The following MGAT4A variants were observed in gnomAD, a reference collection of about 807,000 sequenced individuals.
MGAT4A encodes alpha-1,3-mannosyl-glycoprotein 4-beta-N-acetylglucosaminyltransferase A.
In MGAT4A, 33 loss-of-function variants were observed where a neutral mutation model predicts 74.1. That is an observed-to-expected ratio of 0.45 (90% confidence interval 0.34 to 0.60). The LOEUF is 0.60. MGAT4A is among the 20% of genes least tolerant of loss of function. The pLI, the probability that MGAT4A is intolerant of heterozygous loss-of-function variation, is 0.02. For missense variants in MGAT4A, 479 were observed against 628.3 expected (o/e 0.76, Z 2.54); for synonymous variants, 198 against 210.4 (o/e 0.94, Z 0.51).
intron 8 of MGAT4A, among the ~76,000 whole-genome samples, chr2:98,649,812 C>G (rs1701552122): frequency 6.6e-6 from 1 of 152,076 alleles, no homozygotes; most frequent in African/African-American, 2.4e-5. Flanking sequence ...AACCAAACTG[C>G]AAAGACTGGG....
intron 5 of MGAT4A, among the ~76,000 whole-genome samples, chr2:98,662,805 C>T (rs775749341): frequency 2.8e-4 from 43 of 152,286 alleles, no homozygotes; most frequent in South Asian, 8.3e-4. Context: ...AATAGGCACA[C>T]GTTCTTAAAG....
chr2:98,691,751 T>C (rs1055127504), intron 2 of MGAT4A, among the ~76,000 whole-genome samples: 1 of 152,186 alleles, frequency 6.6e-6, no homozygotes, highest in African/African-American at 2.4e-5. Flanking sequence ...CTTCAGAAGG[T>C]ATCCTAGAAG....
At chr2:98,677,326 C>A (rs1045135130) in intron 3 of MGAT4A, among the ~76,000 whole-genome samples, 18 of 152,204 alleles carry the variant, frequency 1.2e-4, no homozygotes, top group African/African-American at 3.6e-4. Flanking sequence ...GAAGTCCACA[C>A]ATAAGTCATC....
intron 3 of MGAT4A, among the ~76,000 whole-genome samples, 177 bp downstream of exon 3, chr2:98,678,127 G>A (rs1312007417): frequency 2.0e-5 from 3 of 151,062 alleles, no homozygotes; most frequent in Non-Finnish European, 4.4e-5. Context: ...CTATTCAGGA[G>A]GCTGAGGCAG....
intron 2 of MGAT4A, among the ~76,000 whole-genome samples, chr2:98,699,466 T>C (rs1702321088): frequency 6.6e-6 from 1 of 152,170 alleles, no homozygotes. Flanking sequence ...AGATTTGCCA[T>C]GTTAACTCTT....
At chr2:98,626,770 G>A (rs952624142) in intron 14 of MGAT4A, among the ~76,000 whole-genome samples, 1 of 152,080 alleles carries the variant, frequency 6.6e-6, no homozygotes, top group Non-Finnish European at 1.5e-5. Flanking sequence ...TCACTTAACT[G>A]GGGTTCAAAG....
Position 98,623,035 on chromosome 2 carries a change from A to G in MGAT4A, c.*2531T>C. On this transcript the variant is annotated 3_prime_UTR_variant, in exon 16 of 16. Transcript: ENST00000393487. ...CCTGTCTCAAAAATAATACAAAATG[A>G]TAAAAAGAGAAAGAGGAGGGCAGGC... 1 of 985,752 alleles carries G rather than the reference A, an allele frequency of 1.0e-6. No homozygotes were observed. Among genetic ancestry groups the G allele is most frequent in the Non-Finnish European group, 1.2e-6 (1 of 830,224 alleles). The allele number at this position is 985,752 out of a possible 1,614,324, so 61.1% of individuals were successfully genotyped here.
intron 2 of MGAT4A, among the ~76,000 whole-genome samples, chr2:98,723,315 T>C (rs1473358021): frequency 5.3e-5 from 8 of 152,148 alleles, no homozygotes; most frequent in East Asian, 1.9e-4. Flanking sequence ...GCCAGCAAGA[T>C]AGCAGAAGCA....
intron 5 of MGAT4A, among the ~76,000 whole-genome samples, chr2:98,660,926 T>C (rs1440766225): frequency 1.3e-5 from 2 of 152,108 alleles, no homozygotes; most frequent in African/African-American, 2.4e-5. Flanking sequence ...TAGGATCACA[T>C]CTAACTAAAA....
At chr2:98,643,797 TA>T in intron 10 of MGAT4A, 125 bp downstream of exon 10, 1 of 937,492 alleles carries the variant, frequency 1.1e-6, no homozygotes, top group South Asian at 4.0e-5. Context: ...AGAAACTTTT[TA>T]TCAGCTCAGG....
At chr2:98,670,854 A>T (rs1270921876) in intron 4 of MGAT4A, among the ~76,000 whole-genome samples, 1 of 152,146 alleles carries the variant, frequency 6.6e-6, no homozygotes, top group Non-Finnish European at 1.5e-5. Flanking sequence ...ATTCTCAAAC[A>T]ATGACTCATA....
At chr2:98,728,105 A>G (rs921796217) in intron 1 of MGAT4A, among the ~76,000 whole-genome samples, 1 of 152,266 alleles carries the variant, frequency 6.6e-6, no homozygotes, top group Non-Finnish European at 1.5e-5. Flanking sequence ...AATTAAAAAA[A>G]TAAATTATAT....
chr2:98,645,331 G>A, intron 9 of MGAT4A, 97 bp downstream of exon 9: 1 of 886,946 alleles, frequency 1.1e-6, no homozygotes, highest in East Asian at 2.8e-5. Context: ...ATTTCCATAG[G>A]AAAAAAAGAC....
At chr2:98,678,513 C>A in intron 2 of MGAT4A, 42 bp from the exon 3 acceptor site, 7 of 1,288,328 alleles carry the variant, frequency 5.4e-6, no homozygotes, top group East Asian at 2.6e-5. Context: ...TGTCTTAAAA[C>A]AAATAAACAA....
intron 2 of MGAT4A, among the ~76,000 whole-genome samples, chr2:98,708,618 T>C (rs778652246): frequency 2.6e-5 from 4 of 152,218 alleles, no homozygotes; most frequent in East Asian, 3.8e-4. Context: ...CAACCAGTAA[T>C]GTAGATGCTT....
At chr2:98,708,581 A>G (rs1477123660) in intron 2 of MGAT4A, among the ~76,000 whole-genome samples, 1 of 152,228 alleles carries the variant, frequency 6.6e-6, no homozygotes, top group Non-Finnish European at 1.5e-5. Context: ...CACTCCAGTT[A>G]ACACGTGCCT....
rs192888985 is a variant in MGAT4A at position 98,652,488 on chromosome 2, C to T, written c.774+2957G>A. On this transcript the variant is annotated intron_variant, in intron 8 of 15. Transcript: ENST00000393487. Reference sequence around the variant, plus strand: ...TGGGACTACTAGGCGCCCGCCACCACGCCCGGCTAATTTTTTGTATTTTTA... The same window carrying T: ...TGGGACTACTAGGCGCCCGCCACCATGCCCGGCTAATTTTTTGTATTTTTA... Among the ~76,000 whole-genome samples, 1,021 of 152,156 alleles carry T rather than the reference C, an allele frequency of 6.7e-3. 16 individuals carry two copies. The highest frequency in any genetic ancestry group is 0.023 in the African/African-American group (950 of 41,494).
intron 2 of MGAT4A, among the ~76,000 whole-genome samples, chr2:98,686,798 C>T (rs894555913): frequency 6.6e-6 from 1 of 152,134 alleles, no homozygotes; most frequent in Non-Finnish European, 1.5e-5. Flanking sequence ...CTGCCCGCCT[C>T]GGCCTCCCAA....
Position 98,643,964 on chromosome 2 carries a change from G to A in MGAT4A, c.979C>T (p.His327Tyr), listed in dbSNP as rs142537374. ...KEKPIDWLLD[H>Y]ILWVKVCNPE... is the part of the protein sequence containing the mutation. ...TTGCAGACTTTCACCCAGAGAATAT[G>A]GTCCAGGAGCCAATCAATGGGTTTC... Residue 327 changes from histidine to tyrosine, a missense_variant, in exon 10 of 16, where the codon CAT becomes TAT. Around this residue, in one of 3 missense-constraint regions of MGAT4A, gnomAD observed 236 missense variants for 308.2 expected, o/e 0.77. Coordinates refer to ENST00000393487, the MANE Select transcript of MGAT4A (RefSeq NM_012214.3). 6.3e-7 allele frequency: 1 copy of A among 1,575,724 alleles called. No homozygotes were observed.
Sources: gnomAD v4.1 joint callset for allele counts (sites outside exome capture counted in the v4.1 genomes callset) on GRCh38, gnomAD v4.1.1 for gene constraint, gnomAD v4.1.1 regional missense constraint, MANE v1.5 for transcripts, NCBI Gene and HGNC (gene_info 2026-07-23, HGNC 2026-07-21) for gene names.